The following FBXO34 variants were observed in gnomAD, a reference collection of about 807,000 sequenced individuals.
FBXO34 encodes F-box only protein 34.
Under a neutral mutation model 24.5 loss-of-function variants are expected in FBXO34, and 12 were observed. The ratio of observed to expected loss-of-function variants is 0.49; its 90% CI spans 0.31 to 0.79. The LOEUF is 0.79. Ranked by LOEUF, FBXO34 falls within the 30% of genes least tolerant of loss-of-function variation. FBXO34 has a pLI of 0.04. For synonymous variants in FBXO34, 320 were observed against 311.9 expected, an observed-to-expected ratio of 1.03 and a Z score of -0.27; for missense variants, 823 against 857.7, an observed-to-expected ratio of 0.96 and a Z score of 0.51.
At chr14:55,286,551 C>G (rs1881767203) in intron 1 of FBXO34, among the ~76,000 whole-genome samples, 1 of 152,116 alleles carries the variant, frequency 6.6e-6, no homozygotes, top group Admixed American at 6.6e-5. Flanking sequence ...GTCTATGTTG[C>G]TGAAATTCTA....
the FBXO34 span, among the ~76,000 whole-genome samples, chr14:55,380,337 C>T: frequency 6.6e-6 from 1 of 152,136 alleles, no homozygotes; most frequent in Non-Finnish European, 1.5e-5. Context: ...CTCTGAACAT[C>T]CTGATACTCC....
chr14:55,373,205 A>AGGG (rs1884856018), downstream of FBXO34, among the ~76,000 whole-genome samples: 1 of 152,220 alleles, frequency 6.6e-6, no homozygotes, highest in Non-Finnish European at 1.5e-5. Context: ...TTAGCTGAAT[A>AGGG]ATGGATATCT....
rs1406867255 is a variant in FBXO34, at chr14:55,331,727, ATG to A, written c.-10-18652_-10-18651del. 7.4e-4 allele frequency among the ~76,000 whole-genome samples: 37 copies of A among 49,780 alleles called. 3 individuals carry two copies. The highest frequency in any genetic ancestry group is 5.3e-3 in the African/African-American group (27 of 5,058). 32.7% of individuals were successfully genotyped at this position (49,780 alleles called of 152,430 possible). On this transcript the variant is annotated intron_variant, in intron 1 of 1. Coordinates refer to ENST00000313833, the MANE Select transcript of FBXO34 (RefSeq NM_017943.4). ...TATGTATATATATATGTATATATAT[ATG>A]TATATATATATGTGTGTATATATAT...
At chr14:55,277,527 G>T (rs1881383782) in intron 1 of FBXO34, among the ~76,000 whole-genome samples, 1 of 151,842 alleles carries the variant, frequency 6.6e-6, no homozygotes, top group South Asian at 2.1e-4. Flanking sequence ...ACTAGATCTT[G>T]CCCAGTTTGG....
At chr14:55,310,342 G>A (rs1882693989) in intron 1 of FBXO34, among the ~76,000 whole-genome samples, 1 of 152,232 alleles carries the variant, frequency 6.6e-6, no homozygotes, top group Non-Finnish European at 1.5e-5. Flanking sequence ...AATGCTAGTA[G>A]CAGGTTACTT....
At chr14:55,275,480 A>G (rs898238941) in intron 1 of FBXO34, among the ~76,000 whole-genome samples, 16 of 152,080 alleles carry the variant, frequency 1.1e-4, no homozygotes, top group South Asian at 2.1e-4. Flanking sequence ...TTGCCTTGCT[A>G]TGATGGGTCT....
intron 1 of FBXO34, among the ~76,000 whole-genome samples, chr14:55,290,973 C>G (rs1212917978): frequency 2.0e-5 from 3 of 152,094 alleles, no homozygotes; most frequent in Non-Finnish European, 4.4e-5. Flanking sequence ...GCACCTGCCA[C>G]CATGCCCACC....
chr14:55,274,321 A>T (rs1006781890), intron 1 of FBXO34, among the ~76,000 whole-genome samples: 1 of 152,218 alleles, frequency 6.6e-6, no homozygotes, highest in Non-Finnish European at 1.5e-5. Flanking sequence ...ACAACGACAG[A>T]TATTTAAAAA....
chr14:55,411,926 G>A, the FBXO34 span: 3 of 1,112,680 alleles, frequency 2.7e-6, no homozygotes, highest in Non-Finnish European at 3.8e-6. Flanking sequence ...ATGCCGGCGA[G>A]CCCCCGGACC....
the FBXO34 span, among the ~76,000 whole-genome samples, chr14:55,381,563 A>T: frequency 6.6e-6 from 1 of 152,262 alleles, no homozygotes; most frequent in Non-Finnish European, 1.5e-5. Context: ...ATATTACTCA[A>T]CCATAAAAAC....
chr14:55,387,283 T>C, the FBXO34 span, among the ~76,000 whole-genome samples: 130 of 152,318 alleles, frequency 8.5e-4, no homozygotes, highest in Middle Eastern at 0.01. Flanking sequence ...CTGTACTCAA[T>C]TGCAACATAT....
chr14:55,379,674 AG>A, the FBXO34 span, among the ~76,000 whole-genome samples: 2 of 152,234 alleles, frequency 1.3e-5, no homozygotes, highest in Non-Finnish European at 2.9e-5. Context: ...GGAGGGTAGT[AG>A]GAAGATTGTA....
the FBXO34 span, among the ~76,000 whole-genome samples, chr14:55,384,463 CTCTTTT>C: frequency 6.6e-6 from 1 of 152,236 alleles, no homozygotes; most frequent in African/African-American, 2.4e-5. Flanking sequence ...CTGCTAATAT[CTCTTTT>C]GGGGTTCAGG....
chr14:55,379,687 T>C, the FBXO34 span, among the ~76,000 whole-genome samples: 2 of 152,242 alleles, frequency 1.3e-5, no homozygotes. Context: ...AAGATTGTAG[T>C]GCAAACTGGG....
At chr14:55,361,645 CTGT>C (rs939985285) in intron 3 of FBXO34, 1 of 152,194 alleles carries the variant, frequency 6.6e-6, no homozygotes, top group Non-Finnish European at 1.5e-5. Context: ...TATTGGAAAT[CTGT>C]TGTTTAGTGT....
intron 1 of FBXO34, among the ~76,000 whole-genome samples, chr14:55,297,502 C>G (rs1393129346): frequency 6.6e-6 from 1 of 152,256 alleles, no homozygotes; most frequent in Middle Eastern, 3.4e-3. Context: ...TGTTAAATGC[C>G]TAGCATATAG....
At chr14:55,389,909 C>CA in the FBXO34 span, among the ~76,000 whole-genome samples, 1 of 151,268 alleles carries the variant, frequency 6.6e-6, no homozygotes, top group Non-Finnish European at 1.5e-5. Flanking sequence ...ATAAAGTGTA[C>CA]AAATATGATG....
rs1342274450 is a variant in FBXO34, at chr14:55,271,425, G to C, written c.-123G>C. 1 of 152,156 alleles carries C rather than the reference G, an allele frequency of 6.6e-6. No homozygotes were observed. The highest frequency in any genetic ancestry group is 6.5e-5 in the Admixed American group (1 of 15,270). 9.4% of individuals were successfully genotyped at this position (152,156 alleles called of 1,614,324 possible). ...CGCCGCCGCGCCGCGCTGGGTGCTC[G>C]GTCCGACTCAGCGGTGGGGAGTGAG... On this transcript the variant is annotated 5_prime_UTR_variant, in exon 1 of 2. Transcript: ENST00000313833.
chr14:55,428,117 A>ATTTTTTT, the FBXO34 span, among the ~76,000 whole-genome samples: 6 of 48,330 alleles, frequency 1.2e-4, no homozygotes, highest in East Asian at 8.5e-4. Flanking sequence ...CACATGCCTT[A>ATTTTTTT]TCTTTTTTTT....
Sources: gnomAD v4.1 joint callset for allele counts (sites outside exome capture counted in the v4.1 genomes callset) on GRCh38, gnomAD v4.1.1 for gene constraint, MANE v1.5 for transcripts, NCBI Gene and HGNC (gene_info 2026-07-23, HGNC 2026-07-21) for gene names.